The following WWC1 variants were observed in gnomAD, a reference collection of about 807,000 sequenced individuals.
The protein encoded by WWC1 is protein KIBRA.
Under a neutral mutation model 138.4 loss-of-function variants are expected in WWC1, and 55 were observed. The observed-to-expected ratio is 0.40, with a 90% CI of 0.32 to 0.50. The LOEUF is 0.50. WWC1 is among the 20% of genes least tolerant of loss of function. WWC1 has a pLI of 0.72. For synonymous variants in WWC1, 524 were observed against 564.9 expected (o/e 0.93, Z 1.03); for missense variants, 1,226 against 1,420.4 (o/e 0.86, Z 2.20).
chr5:168,387,576 C>T (rs1778140803), intron 3 of WWC1, among the ~76,000 whole-genome samples: 1 of 152,146 alleles, frequency 6.6e-6, no homozygotes, highest in Non-Finnish European at 1.5e-5. Flanking sequence ...TCTTACAGTT[C>T]TAGAGCCTGG....
In WWC1 at chr5:168,455,481, G is replaced by A; in HGVS notation, c.2784G>A (p.Lys928=). ...FLRGSTIIRS[K]TFSPGPQSQY... is the part of the protein sequence containing the mutation. ...GAGGGAGCACCATCATCCGCTCTAA[G>A]ACCTTCTCCCCAGGACCCCAGAGCC... Residue 928 remains lysine (K), a synonymous_variant, in exon 19 of 23, where the codon AAG becomes AAA. Transcript: ENST00000265293. The A allele has an allele frequency of 2.5e-6, 4 of 1,613,238 alleles. No individual in the cohort carries two copies. Among genetic ancestry groups the A allele is most frequent in the Non-Finnish European group, 3.4e-6 (4 of 1,179,634 alleles).
At chr5:168,296,326 G>A (rs1433528711) in intron 1 of WWC1, among the ~76,000 whole-genome samples, 1 of 152,202 alleles carries the variant, frequency 6.6e-6, no homozygotes, top group Non-Finnish European at 1.5e-5. Flanking sequence ...GCCATGCTGA[G>A]AGGATCCAGC....
chr5:168,359,988 G>A (rs1775763635), intron 1 of WWC1, among the ~76,000 whole-genome samples: 6 of 152,214 alleles, frequency 3.9e-5, no homozygotes, highest in Admixed American at 2.0e-4. Flanking sequence ...CAGGTCTGTT[G>A]CATACCTTCT....
chr5:168,323,683 G>A lies in WWC1; in HGVS notation c.119+31412G>A, dbSNP rs189671358. On this transcript the variant is annotated intron_variant, in intron 1 of 22. Coordinates refer to ENST00000265293, the MANE Select transcript of WWC1 (RefSeq NM_015238.3). Reference sequence around the variant, plus strand: ...TGTGTATTTGCATTCCCATAAAAAAGGAGGTAGAGAGATTGGAAAAGAAAA... The same window carrying A: ...TGTGTATTTGCATTCCCATAAAAAAAGAGGTAGAGAGATTGGAAAAGAAAA... Among the ~76,000 whole-genome samples the A allele has an allele frequency of 1.9e-4, 29 of 152,158 alleles. 1 individual carries two copies. Among genetic ancestry groups the A allele is most frequent in the African/African-American group, 6.8e-4 (28 of 41,446 alleles).
chr5:168,325,015 C>T (rs1206789657), intron 1 of WWC1, among the ~76,000 whole-genome samples: 1 of 152,188 alleles, frequency 6.6e-6, no homozygotes, highest in Non-Finnish European at 1.5e-5. Context: ...AGCAAGCTTT[C>T]CAGCTCTTTG....
At chr5:168,393,344 A>C (rs1183477698) in intron 3 of WWC1, among the ~76,000 whole-genome samples, 2 of 152,202 alleles carry the variant, frequency 1.3e-5, no homozygotes, top group Non-Finnish European at 2.9e-5. Context: ...ACACTGGGAC[A>C]ATTCAAGATC....
chr5:168,413,565 A>G (rs961014274), intron 8 of WWC1, among the ~76,000 whole-genome samples: 5 of 152,202 alleles, frequency 3.3e-5, no homozygotes, highest in African/African-American at 1.2e-4. Flanking sequence ...AGTGCCTGCA[A>G]TATACCAGTG....
intron 9 of WWC1, among the ~76,000 whole-genome samples, chr5:168,417,394 A>G (rs935823923): frequency 1.3e-5 from 2 of 152,104 alleles, no homozygotes; most frequent in Non-Finnish European, 2.9e-5. Context: ...AGGGACCCCT[A>G]GGATATACCA....
chr5:168,336,767 A>G (rs1197521234), intron 1 of WWC1, among the ~76,000 whole-genome samples: 1 of 152,056 alleles, frequency 6.6e-6, no homozygotes, highest in Admixed American at 6.6e-5. Flanking sequence ...ATTCAGATAC[A>G]TTAGTAGTTA....
At chr5:168,355,544 A>G (rs1041791961) in intron 1 of WWC1, among the ~76,000 whole-genome samples, 1 of 150,660 alleles carries the variant, frequency 6.6e-6, no homozygotes, top group African/African-American at 2.4e-5. Context: ...AGAGCCAGCC[A>G]TGCAAAAAGT....
chr5:168,463,127 A>G (rs1028503103), intron 20 of WWC1, among the ~76,000 whole-genome samples: 1 of 152,242 alleles, frequency 6.6e-6, no homozygotes, highest in Non-Finnish European at 1.5e-5. Flanking sequence ...TGCATAATAA[A>G]TCACCACAAA....
intron 2 of WWC1, among the ~76,000 whole-genome samples, chr5:168,374,428 G>A (rs1777015361): frequency 1.4e-5 from 2 of 141,320 alleles, no homozygotes; most frequent in Admixed American, 1.4e-4. Context: ...AATGAGATTT[G>A]AGCTAAGACT....
At chr5:168,312,815 CTTT>C (rs763253959) in intron 1 of WWC1, among the ~76,000 whole-genome samples, 3 of 123,750 alleles carry the variant, frequency 2.4e-5, no homozygotes, top group African/African-American at 3.0e-5. Flanking sequence ...ATCCTAAGTA[CTTT>C]TTTTTTTTTT....
At chr5:168,408,680 G>C in intron 7 of WWC1, 27 bp downstream of exon 7, 1 of 1,612,484 alleles carries the variant, frequency 6.2e-7, no homozygotes, top group Non-Finnish European at 8.5e-7. Context: ...GGTTGCTGGG[G>C]GCCTTCCACA....
At chr5:168,433,349 TG>T (rs1238654133) in intron 15 of WWC1, among the ~76,000 whole-genome samples, 1 of 152,206 alleles carries the variant, frequency 6.6e-6, no homozygotes, top group African/African-American at 2.4e-5. Context: ...GATCACACTT[TG>T]GGTAGCAAGA....
At position 168,414,403 on chromosome 5, in the gene WWC1, G is replaced by A. The variant is rs1329239671; in HGVS notation, c.997G>A (p.Val333Met). Residue 333 changes from valine (V) to methionine (M), a missense_variant, in exon 9 of 23, where the codon GTG becomes ATG. Val to Met is a conservative substitution (Grantham distance 21). Around this residue, in one of 3 missense-constraint regions of WWC1, gnomAD observed 1,016 missense variants for 1,153.9 expected, o/e 0.88. Transcript: ENST00000265293. ...GCTTGACAGTGAGGCCTGGCCTGGG[G>A]TGCTGGACTCAGAGAGGGACCGGCT... The part of the protein sequence containing the change: ...AKLDSEAWPG[V>M]LDSERDRLIL... 6 of 1,607,532 alleles carry A rather than the reference G, an allele frequency of 3.7e-6. No individual in the cohort carries two copies. The African/African-American group carries it at 6.7e-5, about 18-fold the overall frequency.
Position 168,313,595 on chromosome 5 carries a change from G to GAA in WWC1, c.119+21336_119+21337dup, listed in dbSNP as rs753224918. Reference sequence around the variant, plus strand: ...GACAGAGCGAGACTGTCTCAAAAACGAAAAAAAAAAAAAGCAGAATCCCGG... The same window carrying GAA: ...GACAGAGCGAGACTGTCTCAAAAACGAAAAAAAAAAAAAAAGCAGAATCCCGG... On this transcript the variant is annotated intron_variant, in intron 1 of 22. Coordinates refer to ENST00000265293, the MANE Select transcript of WWC1 (RefSeq NM_015238.3). Among the ~76,000 whole-genome samples the GAA allele has an allele frequency of 2.1e-3, 263 of 125,476 alleles. 2 individuals are homozygous for GAA. Among genetic ancestry groups the GAA allele is most frequent in the African/African-American group, 7.2e-3 (249 of 34,472 alleles). The allele number at this position is 125,476 out of a possible 152,430, so 82.3% of individuals were successfully genotyped here.
At chr5:168,301,622 GA>G (rs1770084585) in intron 1 of WWC1, among the ~76,000 whole-genome samples, 1 of 142,322 alleles carries the variant, frequency 7.0e-6, no homozygotes, top group Non-Finnish European at 1.5e-5. Flanking sequence ...TGGGCAACAA[GA>G]GCAAAACTTC....
chr5:168,320,025 A>G (rs377491894), intron 1 of WWC1, among the ~76,000 whole-genome samples: 27 of 148,946 alleles, frequency 1.8e-4, no homozygotes, highest in African/African-American at 6.4e-4. Context: ...TTGAGCATTT[A>G]TATATACACT....
Sources: gnomAD v4.1 joint callset for allele counts (sites outside exome capture counted in the v4.1 genomes callset) on GRCh38, gnomAD v4.1.1 for gene constraint, gnomAD v4.1.1 regional missense constraint, MANE v1.5 for transcripts, NCBI Gene and HGNC (gene_info 2026-07-23, HGNC 2026-07-21) for gene names.